Variants in STK33 observed in about 807,000 individuals in gnomAD.
STK33 encodes the protein serine/threonine-protein kinase 33.
A neutral mutation model predicts 58.0 loss-of-function variants in STK33; 52 were observed. The ratio of observed to expected loss-of-function variants is 0.90; its 90% CI spans 0.72 to 1.13. The LOEUF is 1.13. Ranked by LOEUF, STK33 falls within the 50% of genes most tolerant of loss-of-function variation. The probability of loss-of-function intolerance (pLI) is 0.00; values close to 1 mark genes in which losing one functional copy is unlikely to be tolerated. For synonymous variants in STK33, 215 were observed against 200.1 expected, an observed-to-expected ratio of 1.07 and a Z score of -0.63; for missense variants, 630 against 604.2, an observed-to-expected ratio of 1.04 and a Z score of -0.45.
At chr11:8,508,723 G>A (rs1952067224) in intron 1 of STK33, among the ~76,000 whole-genome samples, 1 of 152,138 alleles carries the variant, frequency 6.6e-6, no homozygotes, top group Admixed American at 6.5e-5. Context: ...GACATGTGAG[G>A]AATTAACTTT....
Position 8,473,283 on chromosome 11 carries a change from C to CA in STK33, c.226-8_226-7insT. ...CATTTGAGGTTCTTGAGGGCTGGGACCAAAAAAAAAATTAAAAAAAAAAAA... is the reference window on the plus strand; with the variant it reads ...CATTTGAGGTTCTTGAGGGCTGGGACACAAAAAAAAAATTAAAAAAAAAAAA... On this transcript the variant is annotated splice_region_variant and splice_polypyrimidine_tract_variant and intron_variant, in intron 5 of 15. Transcript: ENST00000687296. The CA allele has an allele frequency of 6.5e-7, 1 of 1,527,436 alleles. No individual in the cohort carries two copies. The highest frequency in any genetic ancestry group is 8.9e-7 in the Non-Finnish European group (1 of 1,126,404). The allele number at this position is 1,527,436 out of a possible 1,614,324, so 94.6% of individuals were successfully genotyped here.
At chr11:8,461,930 A>C (rs370673106) in intron 7 of STK33, 21 bp from the exon 8 acceptor site, 1 of 1,540,408 alleles carries the variant, frequency 6.5e-7, no homozygotes, top group Non-Finnish European at 8.7e-7. Flanking sequence ...GAAGAAACAC[A>C]GATTTCACAT....
chr11:8,587,799 G>T (rs2031948764), intron 1 of STK33, among the ~76,000 whole-genome samples: 1 of 152,154 alleles, frequency 6.6e-6, no homozygotes, highest in South Asian at 2.1e-4. Context: ...CTGAAAAAAA[G>T]ATGGCAAAGG....
intron 15 of STK33, among the ~76,000 whole-genome samples, chr11:8,399,622 C>T (rs1158045972): frequency 1.3e-5 from 2 of 151,998 alleles, no homozygotes; most frequent in Admixed American, 6.6e-5. Context: ...AAGATCAGAG[C>T]AGAACTGAAG....
At chr11:8,418,098 T>G (rs1941387231) in intron 14 of STK33, among the ~76,000 whole-genome samples, 1 of 152,112 alleles carries the variant, frequency 6.6e-6, no homozygotes, top group Non-Finnish European at 1.5e-5. Flanking sequence ...TTTTTTTTAA[T>G]TTTTAACTTT....
intron 15 of STK33, among the ~76,000 whole-genome samples, chr11:8,402,461 G>A (rs1938234539): frequency 6.6e-6 from 1 of 152,162 alleles, no homozygotes; most frequent in Non-Finnish European, 1.5e-5. Flanking sequence ...ACCGGGGCCT[G>A]TTGTGGGGTG....
intron 15 of STK33, among the ~76,000 whole-genome samples, chr11:8,409,563 C>T (rs553385347): frequency 1.3e-5 from 2 of 152,230 alleles, no homozygotes; most frequent in African/African-American, 4.8e-5. Context: ...TAATTGGAAA[C>T]AAGAATCCAA....
intron 1 of STK33, among the ~76,000 whole-genome samples, chr11:8,527,660 G>T (rs1235369461): frequency 6.6e-6 from 1 of 152,076 alleles, no homozygotes; most frequent in Non-Finnish European, 1.5e-5. Context: ...AACAGATGGT[G>T]GCTCTTAGAC....
intron 1 of STK33, among the ~76,000 whole-genome samples, chr11:8,556,601 G>C (rs1365114620): frequency 6.6e-6 from 1 of 151,954 alleles, no homozygotes; most frequent in Non-Finnish European, 1.5e-5. Context: ...CTTCAGAAAG[G>C]CTTTTTTTAA....
the STK33 span, among the ~76,000 whole-genome samples, chr11:8,355,271 T>C: frequency 6.6e-6 from 1 of 152,224 alleles, no homozygotes; most frequent in African/African-American, 2.4e-5. Context: ...CCACATGCAC[T>C]GAGTATGGGG....
chr11:8,493,255 T>C (rs1591467609), intron 1 of STK33, among the ~76,000 whole-genome samples: 1 of 151,142 alleles, frequency 6.6e-6, no homozygotes, highest in East Asian at 1.9e-4. Flanking sequence ...ATAAAGATGA[T>C]AAAGGGGATA....
At chr11:8,576,864 A>C (rs1374598516) in intron 1 of STK33, among the ~76,000 whole-genome samples, 1 of 152,196 alleles carries the variant, frequency 6.6e-6, no homozygotes, top group East Asian at 1.9e-4. Flanking sequence ...GATGTTCCAG[A>C]GTTTCATCAA....
intron 8 of STK33, among the ~76,000 whole-genome samples, chr11:8,460,820 C>T (rs1947429919): frequency 6.6e-6 from 1 of 152,148 alleles, no homozygotes; most frequent in East Asian, 1.9e-4. Context: ...CTGAAAAGGG[C>T]AGAGACTTTG....
the STK33 span, among the ~76,000 whole-genome samples, chr11:8,341,679 G>A: frequency 6.6e-6 from 1 of 152,218 alleles, no homozygotes; most frequent in African/African-American, 2.4e-5. Flanking sequence ...TGGGGAAGCA[G>A]TTTAGAAGCT....
At chr11:8,497,784 G>GA (rs1419178037) in intron 1 of STK33, among the ~76,000 whole-genome samples, 3 of 152,110 alleles carry the variant, frequency 2.0e-5, no homozygotes, top group Admixed American at 1.3e-4. Context: ...GTTCTGAAAG[G>GA]AAAAAACAAA....
At chr11:8,419,102 A>AT (rs1326821812) in intron 14 of STK33, among the ~76,000 whole-genome samples, 4 of 151,976 alleles carry the variant, frequency 2.6e-5, no homozygotes, top group Admixed American at 2.6e-4. Context: ...ACCACTTGTC[A>AT]TTTTTTGCTT....
At chr11:8,497,419 C>T (rs1228379903) in intron 1 of STK33, among the ~76,000 whole-genome samples, 1 of 152,184 alleles carries the variant, frequency 6.6e-6, no homozygotes, top group Non-Finnish European at 1.5e-5. Context: ...ACTAAATTGT[C>T]AACAGAAACC....
Position 8,413,624 on chromosome 11 carries a change from T to C in STK33, c.1215A>G (p.Pro405=). Residue 405 remains proline (P), a synonymous_variant, in exon 15 of 16, where the codon CCA becomes CCG. Coordinates refer to ENST00000687296, the MANE Select transcript of STK33 (RefSeq NM_001352389.2). ...CTGTTGTGTTTTCCTCAACACTTTC[T>C]GGGTTATTTTTCCATTCCTTCATCA... ...LEMMKEWKNN[P]ESVEENTTEE... 3 of 1,614,074 alleles carry C rather than the reference T, an allele frequency of 1.9e-6. No individual in the cohort carries two copies. The highest frequency in any genetic ancestry group is 2.5e-6 in the Non-Finnish European group (3 of 1,179,962).
At chr11:8,591,345 T>A (rs2032557374) in intron 1 of STK33, among the ~76,000 whole-genome samples, 1 of 152,210 alleles carries the variant, frequency 6.6e-6, no homozygotes, top group Non-Finnish European at 1.5e-5. Context: ...AAAATAACAT[T>A]TTTAAAGAAA....
Sources: allele counts gnomAD v4.1 joint callset (sites outside exome capture counted in the v4.1 genomes callset), GRCh38; gene constraint gnomAD v4.1.1; transcripts MANE v1.5; gene names NCBI Gene and HGNC (gene_info 2026-07-23, HGNC 2026-07-21).